Variants in OR1J2 observed in about 807,000 individuals in gnomAD.
OR1J2 encodes the protein olfactory receptor family 1 subfamily J member 2, also known as olfactory receptor 1J2.
For synonymous variants in OR1J2, 142 were observed against 99.7 expected, an observed-to-expected ratio of 1.42 and a Z score of -2.52; for missense variants, 304 against 246.1, an observed-to-expected ratio of 1.24 and a Z score of -1.57.
chr9:122,496,081 G>A, the OR1J2 span, among the ~76,000 whole-genome samples: 1 of 152,180 alleles, frequency 6.6e-6, no homozygotes, highest in African/African-American at 2.4e-5. Context: ...CTGCTCTGGT[G>A]GAGGTAGTAG....
the OR1J2 span, among the ~76,000 whole-genome samples, chr9:122,467,029 C>G: frequency 6.6e-6 from 1 of 152,054 alleles, no homozygotes; most frequent in African/African-American, 2.4e-5. Flanking sequence ...CCTTGTTGGG[C>G]TTCAAACAAC....
At chr9:122,571,547 C>CAAAAAAA in the OR1J2 span, among the ~76,000 whole-genome samples, 1 of 126,858 alleles carries the variant, frequency 7.9e-6, no homozygotes, top group South Asian at 2.8e-4. Flanking sequence ...CAGACTGTCT[C>CAAAAAAA]AAAAAAAAAA....
At chr9:122,574,805 G>A in the OR1J2 span, among the ~76,000 whole-genome samples, 10 of 152,072 alleles carry the variant, frequency 6.6e-5, no homozygotes, top group Admixed American at 3.3e-4. Context: ...TCGCCATCAT[G>A]TATAATGTTA....
At chr9:122,451,913 C>G in the OR1J2 span, among the ~76,000 whole-genome samples, 1 of 152,028 alleles carries the variant, frequency 6.6e-6, no homozygotes, top group Non-Finnish European at 1.5e-5. Flanking sequence ...GAGTCTCGCT[C>G]TGTCGCCCAG....
chr9:122,553,598 C>A, the OR1J2 span: 1 of 1,614,016 alleles, frequency 6.2e-7, no homozygotes, highest in Non-Finnish European at 8.5e-7. Flanking sequence ...ATGTGGCCAT[C>A]TGCCAACCAC....
the OR1J2 span, among the ~76,000 whole-genome samples, chr9:122,486,687 T>G: frequency 6.6e-6 from 1 of 152,206 alleles, no homozygotes; most frequent in East Asian, 1.9e-4. Flanking sequence ...GGCATTATTC[T>G]CATCTAACCA....
At chr9:122,540,756 G>C in the OR1J2 span, among the ~76,000 whole-genome samples, 11 of 152,086 alleles carry the variant, frequency 7.2e-5, no homozygotes, top group African/African-American at 2.7e-4. Flanking sequence ...GAGCATGGAA[G>C]GTTCTTCCAT....
the OR1J2 span, among the ~76,000 whole-genome samples, chr9:122,545,927 A>AAAC: frequency 6.6e-6 from 1 of 151,614 alleles, no homozygotes; most frequent in Non-Finnish European, 1.5e-5. Context: ...ATGAAAAAAA[A>AAAC]ACATAGCTCT....
At chr9:122,477,851 C>G in the OR1J2 span, 1 of 1,613,900 alleles carries the variant, frequency 6.2e-7, no homozygotes, top group Admixed American at 1.7e-5. Context: ...GCGAAGAACA[C>G]GGCCTGCTGC....
the OR1J2 span, among the ~76,000 whole-genome samples, chr9:122,564,287 CTG>C: frequency 6.6e-6 from 1 of 152,156 alleles, no homozygotes; most frequent in Non-Finnish European, 1.5e-5. Context: ...TCAATTCTAA[CTG>C]TGGTTATGTC....
At chr9:122,510,733 TA>T (rs1828615211), upstream of OR1J2, 2 of 929,336 alleles carry the variant, frequency 2.2e-6, no homozygotes, top group South Asian at 1.7e-5. Flanking sequence ...ATATGACTGC[TA>T]AAAATGATAA....
At chr9:122,522,577 G>A in the OR1J2 span, among the ~76,000 whole-genome samples, 2 of 107,136 alleles carry the variant, frequency 1.9e-5, no homozygotes, top group Admixed American at 9.2e-5. Flanking sequence ...TCCAAGAACT[G>A]TGTGCATGTG....
chr9:122,503,720 C>T, the OR1J2 span, among the ~76,000 whole-genome samples: 1 of 152,222 alleles, frequency 6.6e-6, no homozygotes, highest in Non-Finnish European at 1.5e-5. Context: ...CTTACTCCCT[C>T]CAGGCCCCTG....
the OR1J2 span, among the ~76,000 whole-genome samples, chr9:122,555,156 TCA>T: frequency 6.6e-6 from 1 of 152,190 alleles, no homozygotes; most frequent in Admixed American, 6.5e-5. Context: ...CAGTGATAAC[TCA>T]CAGAGAAAAA....
the OR1J2 span, among the ~76,000 whole-genome samples, chr9:122,548,755 C>T: frequency 2.5e-5 from 3 of 118,168 alleles, no homozygotes; most frequent in African/African-American, 9.5e-5. Flanking sequence ...CCCCTCTACC[C>T]CCACCCCACA....
At chr9:122,449,821 G>A in the OR1J2 span, among the ~76,000 whole-genome samples, 165 of 152,182 alleles carry the variant, frequency 1.1e-3, 1 homozygote, top group Non-Finnish European at 1.9e-3. Context: ...ATCATAGATC[G>A]GGTATGCTGT....
chr9:122,496,917 A>G, the OR1J2 span, among the ~76,000 whole-genome samples: 1 of 152,162 alleles, frequency 6.6e-6, no homozygotes, highest in Non-Finnish European at 1.5e-5. Context: ...TTGGGGCCAC[A>G]GGATTTATTT....
the OR1J2 span, chr9:122,554,163 T>C: frequency 2.2e-5 from 35 of 1,606,706 alleles, no homozygotes; most frequent in East Asian, 4.9e-4. Context: ...CTTTTTATGA[T>C]TAGACATCTA....
At chr9:122,488,308 T>C in the OR1J2 span, among the ~76,000 whole-genome samples, 1 of 152,122 alleles carries the variant, frequency 6.6e-6, no homozygotes, top group African/African-American at 2.4e-5. Flanking sequence ...CAGCTAATTT[T>C]TTGTATTTTT....
Sources: allele counts gnomAD v4.1 joint callset (sites outside exome capture counted in the v4.1 genomes callset), GRCh38; gene constraint gnomAD v4.1.1; transcripts MANE v1.5; gene names NCBI Gene and HGNC (gene_info 2026-07-23, HGNC 2026-07-21).